ERAP1: variants seen among roughly 807,000 people sequenced by gnomAD.
ERAP1 encodes adipocyte-derived leucine aminopeptidase.
A neutral mutation model predicts 103.7 loss-of-function variants in ERAP1; 86 were observed. The observed-to-expected ratio is 0.83, with a 90% CI of 0.70 to 0.99. ERAP1 has a LOEUF of 0.99. ERAP1 is among the 50% of genes least tolerant of loss of function. ERAP1 has a pLI of 0.00. For synonymous variants in ERAP1, 398 were observed against 402.4 expected (o/e 0.99, Z 0.13); for missense variants, 1,009 against 1,128.4 (o/e 0.89, Z 1.52).
the ERAP1 span, among the ~76,000 whole-genome samples, chr5:96,900,518 A>C: frequency 6.6e-6 from 1 of 152,174 alleles, no homozygotes; most frequent in Non-Finnish European, 1.5e-5. Context: ...GTATGCTGTT[A>C]GGTTTGGAAA....
the ERAP1 span, among the ~76,000 whole-genome samples, chr5:96,868,839 T>C: frequency 6.6e-6 from 1 of 152,178 alleles, no homozygotes; most frequent in Non-Finnish European, 1.5e-5. Flanking sequence ...TGCATAGTTA[T>C]TCAAGCATTC....
chr5:96,790,247 G>T, intron 10 of ERAP1, 49 bp downstream of exon 10: 1 of 1,539,030 alleles, frequency 6.5e-7, no homozygotes, highest in Non-Finnish European at 9.0e-7. Context: ...CAAAGAATAT[G>T]CAGTAAAAGA....
Position 96,776,015 on chromosome 5 carries a change from AG to A in ERAP1, c.*380del. 9.0e-7 allele frequency: 1 copy of A among 1,114,824 alleles called. No individual in the cohort carries two copies. Among genetic ancestry groups the A allele is most frequent in the Non-Finnish European group, 1.1e-6 (1 of 901,970 alleles). The allele number at this position is 1,114,824 out of a possible 1,614,324, so 69.1% of individuals were successfully genotyped here. On this transcript the variant is annotated 3_prime_UTR_variant, in exon 19 of 19. Coordinates refer to ENST00000443439, the MANE Select transcript of ERAP1 (RefSeq NM_001040458.3). ...TCTCAGATCCAGGTGTTCATTGTTC[AG>A]TAGTCGACTATTCAGAGTCTTTCGA...
chr5:96,797,128 G>A, intron 4 of ERAP1, 47 bp downstream of exon 4: 5 of 1,612,960 alleles, frequency 3.1e-6, no homozygotes, highest in Non-Finnish European at 4.2e-6. Context: ...CCAGTTCCAA[G>A]CAAACCAGAA....
the ERAP1 span, chr5:96,895,401 A>G: frequency 7.7e-7 from 1 of 1,292,782 alleles, no homozygotes; most frequent in South Asian, 1.3e-5. Context: ...TGGTGTAAAG[A>G]ATCATCAATT....
At chr5:96,776,830 G>A (rs2150878430) in intron 18 of ERAP1, 1 of 421,760 alleles carries the variant, frequency 2.4e-6, no homozygotes, top group East Asian at 4.9e-5. Context: ...AGGTTTAATT[G>A]TGTCTATTTA....
the ERAP1 span, among the ~76,000 whole-genome samples, chr5:96,824,049 C>T: frequency 2.0e-5 from 3 of 152,180 alleles, no homozygotes; most frequent in Non-Finnish European, 2.9e-5. Flanking sequence ...CCAGACAAGT[C>T]AGAGCAGAGA....
chr5:96,769,982 G>A (rs2150781586), downstream of ERAP1: 1 of 152,046 alleles, frequency 6.6e-6, no homozygotes, highest in African/African-American at 2.4e-5. Context: ...CAACAACTAG[G>A]TTGTTCCATA....
the ERAP1 span, chr5:96,912,588 G>C: frequency 2.6e-6 from 4 of 1,514,310 alleles, no homozygotes; most frequent in East Asian, 7.0e-5. Flanking sequence ...TAAGAAAAAA[G>C]TTTTTCTTTC....
intron 10 of ERAP1, 45 bp from the exon 11 acceptor site, chr5:96,788,730 A>G (rs950939271): frequency 6.2e-7 from 1 of 1,605,778 alleles, no homozygotes; most frequent in African/African-American, 1.3e-5. Flanking sequence ...ATTTAACCCA[A>G]CTCTAAGAAA....
downstream of ERAP1, chr5:96,774,164 G>GTTTTC (rs1773449391): frequency 6.5e-6 from 1 of 153,620 alleles, no homozygotes; most frequent in Non-Finnish European, 1.5e-5. Flanking sequence ...TTGCTTTTTT[G>GTTTTC]TTTTCTTTTT....
At chr5:96,889,741 T>C in the ERAP1 span, among the ~76,000 whole-genome samples, 1 of 152,096 alleles carries the variant, frequency 6.6e-6, no homozygotes, top group Non-Finnish European at 1.5e-5. Flanking sequence ...TATGCTCCTC[T>C]TCTGTGGGAG....
At chr5:96,835,654 A>G in the ERAP1 span, among the ~76,000 whole-genome samples, 1 of 152,218 alleles carries the variant, frequency 6.6e-6, no homozygotes, top group Admixed American at 6.5e-5. Flanking sequence ...TTCCTTCTGT[A>G]TAACCATGTT....
the ERAP1 span, among the ~76,000 whole-genome samples, chr5:96,885,861 C>G: frequency 0.55 from 83,533 of 152,116 alleles, 22,971 homozygotes; most frequent in Admixed American, 0.6. Context: ...TCAGTCATTA[C>G]CCAGTGATCT....
At chr5:96,769,100 C>G (rs898954979) in intron 19 of ERAP1, 1 of 152,178 alleles carries the variant, frequency 6.6e-6, no homozygotes, top group Non-Finnish European at 1.5e-5. Flanking sequence ...TAGAAGGAAA[C>G]GTGAAATGAG....
the ERAP1 span, among the ~76,000 whole-genome samples, chr5:96,910,897 A>T: frequency 0.54 from 82,397 of 152,066 alleles, 22,393 homozygotes; most frequent in Admixed American, 0.59. Context: ...AAGGATAAAG[A>T]GGTGAACAAA....
exon 20 of ERAP1, chr5:96,761,438 T>G (rs1192009170): frequency 6.6e-6 from 1 of 152,146 alleles, no homozygotes; most frequent in Non-Finnish European, 1.5e-5. Flanking sequence ...GTTATCTAAA[T>G]TAGTTTAAAT....
At chr5:96,767,376 C>G in intron 19 of ERAP1, 1 of 1,388,282 alleles carries the variant, frequency 7.2e-7, no homozygotes. Context: ...TCTCTACTGC[C>G]TAAACCTAAG....
chr5:96,786,057 G>A (rs1288657636), intron 12 of ERAP1, 86 bp from the exon 13 acceptor site: 1 of 1,330,766 alleles, frequency 7.5e-7, no homozygotes, highest in Non-Finnish European at 1.1e-6. Flanking sequence ...AAGGAAATTA[G>A]AGAAGAGTTT....
Sources: allele counts gnomAD v4.1 joint callset (sites outside exome capture counted in the v4.1 genomes callset), GRCh38; gene constraint gnomAD v4.1.1; transcripts MANE v1.5; gene names NCBI Gene and HGNC (gene_info 2026-07-23, HGNC 2026-07-21).